Variants in SLIT2 observed in about 807,000 individuals in gnomAD.
SLIT2 encodes slit guidance ligand 2.
Under a neutral mutation model 185.7 loss-of-function variants are expected in SLIT2, and 41 were observed. The observed-to-expected ratio is 0.22, with a 90% CI of 0.17 to 0.29. The LOEUF (loss-of-function observed/expected upper bound fraction) is 0.29, where lower values mean the gene tolerates loss of function less well. Among genes scored for constraint, SLIT2 ranks in the 10% least tolerant of loss-of-function variants. SLIT2 has a pLI of 1.00. For synonymous variants in SLIT2, 693 were observed against 680.2 expected (o/e 1.02, Z -0.29); for missense variants, 1,571 against 1,909.0 (o/e 0.82, Z 3.30).
chr4:20,363,026 C>T (rs1213214790), intron 4 of SLIT2, among the ~76,000 whole-genome samples: 6 of 151,930 alleles, frequency 3.9e-5, no homozygotes, highest in South Asian at 2.1e-4. Context: ...TAAGAGCACT[C>T]GTGGCTTATT....
At chr4:20,541,056 G>T (rs1577889358) in intron 19 of SLIT2, among the ~76,000 whole-genome samples, 1 of 152,246 alleles carries the variant, frequency 6.6e-6, no homozygotes, top group East Asian at 1.9e-4. Context: ...AAGGTAATCA[G>T]CCTTCATCTT....
chr4:20,615,058 G>GT (rs1214555585), intron 34 of SLIT2: 2 of 152,154 alleles, frequency 1.3e-5, no homozygotes, highest in African/African-American at 4.8e-5. Flanking sequence ...GCACATATGT[G>GT]TGTTGTGCCT....
At chr4:20,267,944 T>C (rs900778845) in intron 3 of SLIT2, among the ~76,000 whole-genome samples, 1 of 151,914 alleles carries the variant, frequency 6.6e-6, no homozygotes, top group African/African-American at 2.4e-5. Flanking sequence ...TTACATCAGC[T>C]CTTTATCGTT....
intron 15 of SLIT2, among the ~76,000 whole-genome samples, chr4:20,527,528 G>A (rs1042704637): frequency 5.3e-5 from 8 of 152,170 alleles, no homozygotes; most frequent in African/African-American, 1.7e-4. Context: ...CTTGTGATCC[G>A]CCCGCCTTGG....
intron 4 of SLIT2, among the ~76,000 whole-genome samples, chr4:20,440,780 C>T (rs1375806677): frequency 6.6e-6 from 1 of 152,106 alleles, no homozygotes; most frequent in Non-Finnish European, 1.5e-5. Flanking sequence ...TCAATAGATT[C>T]CATTTCTTAA....
chr4:20,291,465 TATATATATATATATATATATATATATA>T (rs1156249171), intron 4 of SLIT2, among the ~76,000 whole-genome samples: 6 of 22,308 alleles, frequency 2.7e-4, no homozygotes, highest in Non-Finnish European at 3.5e-4. Context: ...TATATATATA[TATATATATATATATATATATATATATA>T]TTTTTTTTTT....
At chr4:20,568,598 T>C (rs1056355477) in intron 28 of SLIT2, among the ~76,000 whole-genome samples, 1 of 151,958 alleles carries the variant, frequency 6.6e-6, no homozygotes, top group Non-Finnish European at 1.5e-5. Flanking sequence ...GCAAATACAG[T>C]GGGTTTGTTG....
At chr4:20,539,386 A>AG in intron 18 of SLIT2, 55 bp from the exon 19 acceptor site, 1 of 1,547,126 alleles carries the variant, frequency 6.5e-7, no homozygotes, top group Non-Finnish European at 8.7e-7. Flanking sequence ...TCAGATAGGC[A>AG]AAATTGATTG....
chr4:20,563,276 A>G (rs770342816), intron 26 of SLIT2, among the ~76,000 whole-genome samples: 19 of 151,822 alleles, frequency 1.3e-4, no homozygotes, highest in Non-Finnish European at 2.5e-4. Context: ...TAGTGATGTT[A>G]GTAAAGATCT....
chr4:20,539,375 C>G, intron 18 of SLIT2, 66 bp from the exon 19 acceptor site: 1 of 1,472,532 alleles, frequency 6.8e-7, no homozygotes, highest in Non-Finnish European at 9.2e-7. Context: ...CATTTCGATC[C>G]TCAGATAGGC....
At chr4:20,593,243 A>C (rs780685015) in intron 30 of SLIT2, among the ~76,000 whole-genome samples, 10 of 152,144 alleles carry the variant, frequency 6.6e-5, no homozygotes, top group Non-Finnish European at 1.2e-4. Context: ...TTACAGATGG[A>C]TGCGTTTAAT....
chr4:20,413,818 C>T (rs980781649), intron 4 of SLIT2, among the ~76,000 whole-genome samples: 4 of 151,858 alleles, frequency 2.6e-5, no homozygotes, highest in Admixed American at 2.6e-4. Context: ...AAGTTAGTAT[C>T]TTTATATGGC....
chr4:20,476,172 A>G (rs1275111597), intron 5 of SLIT2, among the ~76,000 whole-genome samples: 5 of 152,060 alleles, frequency 3.3e-5, no homozygotes, highest in African/African-American at 1.2e-4. Flanking sequence ...ATCTGGGGCT[A>G]CTCTTTAAAA....
intron 4 of SLIT2, among the ~76,000 whole-genome samples, chr4:20,370,596 C>A (rs147200108): frequency 3.0e-4 from 45 of 152,214 alleles, no homozygotes; most frequent in Non-Finnish European, 5.0e-4. Flanking sequence ...ATGGACATTT[C>A]AAACTTGGCA....
intron 4 of SLIT2, among the ~76,000 whole-genome samples, chr4:20,454,469 T>C (rs555069370): frequency 1.3e-5 from 2 of 152,288 alleles, no homozygotes; most frequent in East Asian, 3.9e-4. Context: ...TCATTTACCG[T>C]CCACATTTAC....
At chr4:20,389,192 ATAT>A (rs1205397683) in intron 4 of SLIT2, among the ~76,000 whole-genome samples, 1 of 151,538 alleles carries the variant, frequency 6.6e-6, no homozygotes, top group Non-Finnish European at 1.5e-5. Context: ...GCCATTAGAG[ATAT>A]TATCATCACT....
At chr4:20,450,161 A>T (rs574615543) in intron 4 of SLIT2, among the ~76,000 whole-genome samples, 1 of 152,294 alleles carries the variant, frequency 6.6e-6, no homozygotes, top group South Asian at 2.1e-4. Flanking sequence ...TATTTTGATG[A>T]TGCTTCTTTT....
intron 4 of SLIT2, among the ~76,000 whole-genome samples, chr4:20,438,986 T>C (rs1461064929): frequency 6.6e-6 from 1 of 152,230 alleles, no homozygotes; most frequent in African/African-American, 2.4e-5. Flanking sequence ...TGTTTACTTA[T>C]CTGCTGTTGT....
intron 4 of SLIT2, among the ~76,000 whole-genome samples, chr4:20,419,147 A>G (rs2109456876): frequency 6.6e-6 from 1 of 152,334 alleles, no homozygotes; most frequent in South Asian, 2.1e-4. Flanking sequence ...CAGTATAGTA[A>G]CACTTGCGGT....
Sources: gnomAD v4.1 joint callset for allele counts (sites outside exome capture counted in the v4.1 genomes callset) on GRCh38, gnomAD v4.1.1 for gene constraint, MANE v1.5 for transcripts, NCBI Gene and HGNC (gene_info 2026-07-23, HGNC 2026-07-21) for gene names.